Variants in TMEM156 observed in about 807,000 individuals in gnomAD.
TMEM156 encodes transmembrane protein 156.
In TMEM156, 28 loss-of-function variants were observed where a neutral mutation model predicts 30.5. The observed-to-expected ratio is 0.92, with a 90% CI of 0.68 to 1.26. The LOEUF (loss-of-function observed/expected upper bound fraction) is 1.26. Ranked by LOEUF, TMEM156 falls within the 50% of genes most tolerant of loss-of-function variation. The pLI, the probability that TMEM156 is intolerant of heterozygous loss-of-function variation, is 0.00. For missense variants in TMEM156, 351 were observed against 340.6 expected, an observed-to-expected ratio of 1.03 and a Z score of -0.24; for synonymous variants, 137 against 119.9, an observed-to-expected ratio of 1.14 and a Z score of -0.93.
intron 6 of TMEM156, among the ~76,000 whole-genome samples, chr4:38,968,246 T>G (rs775019160): frequency 5.3e-5 from 8 of 152,342 alleles, no homozygotes; most frequent in Non-Finnish European, 1.2e-4. Flanking sequence ...TCATGCCAGT[T>G]TCTTTCAATT....
intron 1 of TMEM156, among the ~76,000 whole-genome samples, chr4:39,005,076 A>G (rs1199171978): frequency 1.3e-5 from 2 of 152,216 alleles, no homozygotes; most frequent in Non-Finnish European, 2.9e-5. Flanking sequence ...TACAAGCAAC[A>G]GCGTGGATGA....
intron 1 of TMEM156, among the ~76,000 whole-genome samples, chr4:39,012,376 G>A (rs1233560775): frequency 6.6e-6 from 1 of 151,968 alleles, no homozygotes; most frequent in African/African-American, 2.4e-5. Context: ...TAGCACTAAG[G>A]ATACTGATGT....
intron 1 of TMEM156, among the ~76,000 whole-genome samples, chr4:39,027,000 T>A (rs1715238586): frequency 6.6e-6 from 1 of 152,198 alleles, no homozygotes. Flanking sequence ...TCCATCTAGT[T>A]TTATTCCTTC....
chr4:38,984,323 CTTTCTCTCTG>C, intron 5 of TMEM156, among the ~76,000 whole-genome samples: 1 of 128,568 alleles, frequency 7.8e-6, no homozygotes, highest in Non-Finnish European at 1.5e-5. Flanking sequence ...CTCTCTCTCT[CTTTCTCTCTG>C]TCTCTCTCTC....
intron 1 of TMEM156, among the ~76,000 whole-genome samples, chr4:39,003,908 T>C (rs1713551104): frequency 6.6e-6 from 1 of 152,168 alleles, no homozygotes; most frequent in Non-Finnish European, 1.5e-5. Context: ...TCTTATTCAA[T>C]AAGTGACCAA....
rs528658843 is a variant in TMEM156, at chr4:39,017,206, G to GAGA, written c.88+15019_88+15020insTCT. 9.5e-3 allele frequency among the ~76,000 whole-genome samples: 1,105 copies of GAGA among 116,834 alleles called. 26 individuals carry two copies. Among genetic ancestry groups the GAGA allele is most frequent in the African/African-American group, 0.035 (1,008 of 28,962 alleles). 76.6% of individuals were successfully genotyped at this position (116,834 alleles called of 152,430 possible). A position where few individuals can be genotyped will look rare whatever the true frequency, so the allele number is the denominator to read the frequency against. ...TTTTTTTTTTTTGAGACAGAGTCTC[G>GAGA]CTCTGTCTCCCAGGCTGGAGTTCAG... is the stretch of plus-strand genomic sequence containing the variant. On this transcript the variant is annotated intron_variant, in intron 1 of 6. Coordinates refer to ENST00000381938, the MANE Select transcript of TMEM156 (RefSeq NM_024943.3).
In TMEM156 at chr4:39,021,083, T is replaced by C. The variant is rs372214352; in HGVS notation, c.88+11143A>G. Among the ~76,000 whole-genome samples the C allele has an allele frequency of 2.1e-3, 313 of 152,344 alleles. 1 individual carries two copies. The highest frequency in any genetic ancestry group is 7.3e-3 in the African/African-American group (302 of 41,580). On this transcript the variant is annotated intron_variant, in intron 1 of 6. Transcript: ENST00000381938. ...GCGATGTTGAGAATTTTTTCATATA[T>C]GTATTGGCCATTTGTATGTCTTCTT...
At chr4:39,009,696 A>G (rs1114908) in intron 1 of TMEM156, among the ~76,000 whole-genome samples, 23,527 of 152,116 alleles carry the variant, frequency 0.15, 4,047 homozygotes, top group African/African-American at 0.43. Context: ...AAAATCCAAC[A>G]TTTTTTCATG....
intron 1 of TMEM156, among the ~76,000 whole-genome samples, chr4:39,017,260 C>T (rs571260290): frequency 1.3e-5 from 2 of 149,114 alleles, no homozygotes; most frequent in African/African-American, 2.5e-5. Flanking sequence ...CTTCAAGCTC[C>T]GCCTCCCAGG....
chr4:39,014,262 T>C (rs1714332284), intron 1 of TMEM156, among the ~76,000 whole-genome samples: 2 of 152,230 alleles, frequency 1.3e-5, no homozygotes, highest in Non-Finnish European at 2.9e-5. Context: ...CCATATCATG[T>C]CATGAAGAAT....
intron 3 of TMEM156, among the ~76,000 whole-genome samples, chr4:38,991,897 T>C (rs552595497): frequency 6.6e-6 from 1 of 152,116 alleles, no homozygotes; most frequent in Non-Finnish European, 1.5e-5. Flanking sequence ...CACTCCTCAA[T>C]CAGAGGGAAC....
rs115251898 is a variant in TMEM156 at position 38,989,507 on chromosome 4, G to A, written c.620-537C>T. On this transcript the variant is annotated intron_variant, in intron 3 of 6. Coordinates refer to ENST00000381938, the MANE Select transcript of TMEM156 (RefSeq NM_024943.3). ...CAGGGTAATAGGCGGTAAGTACAGT[G>A]CTTTGCACGCCAATGATCAGATCAA... 9.8e-3 allele frequency among the ~76,000 whole-genome samples: 1,499 copies of A among 152,336 alleles called. 25 individuals carry two copies. The highest frequency in any genetic ancestry group is 0.034 in the African/African-American group (1,413 of 41,570).
intron 1 of TMEM156, among the ~76,000 whole-genome samples, chr4:39,001,087 C>G (rs1001214864): frequency 2.0e-5 from 3 of 151,644 alleles, no homozygotes; most frequent in Non-Finnish European, 4.4e-5. Context: ...AATTCCCAGT[C>G]TGATAGTCTT....
At position 38,995,011 on chromosome 4, in the gene TMEM156, C is replaced by T. The variant is rs762130148; in HGVS notation, c.359-1013G>A. On this transcript the variant is annotated intron_variant, in intron 2 of 6. Coordinates refer to ENST00000381938, the MANE Select transcript of TMEM156 (RefSeq NM_024943.3). ...GAAGTGTGAGATCAAGGTGTTGGCA[C>T]GGTTGATTTGTTCTGAGGGCTGAGC... is the stretch of plus-strand genomic sequence containing the variant. Among the ~76,000 whole-genome samples the T allele has an allele frequency of 7.7e-4, 117 of 152,136 alleles. 1 individual carries two copies. Among genetic ancestry groups the T allele is most frequent in the Middle Eastern group, 3.4e-3 (1 of 294 alleles).
chr4:38,995,446 G>A (rs1712856704), intron 2 of TMEM156, among the ~76,000 whole-genome samples: 1 of 152,224 alleles, frequency 6.6e-6, no homozygotes, highest in Non-Finnish European at 1.5e-5. Flanking sequence ...GCTGGGCTCA[G>A]TGGCTCACGC....
chr4:38,984,307 A>ATC (rs1219966009), intron 5 of TMEM156, among the ~76,000 whole-genome samples: 9 of 142,194 alleles, frequency 6.3e-5, no homozygotes, highest in South Asian at 4.6e-4. Context: ...GAGCCCATTT[A>ATC]TCTCTCTCTC....
rs757925302 is a variant in TMEM156, at chr4:38,993,936, A to G, written c.421T>C (p.Phe141Leu). 3.7e-5 allele frequency: 59 copies of G among 1,614,012 alleles called. 2 individuals carry two copies. The South Asian group carries it at 6.1e-4, about 17-fold the overall frequency. The change falls in exon 3 of 7, where the codon TTT (phenylalanine) becomes CTT (leucine). Residue 141 changes from phenylalanine to leucine, a missense_variant. Physicochemically the swap from Phe to Leu is conservative, Grantham distance 22. Transcript: ENST00000381938. The part of the protein sequence containing the change: ...ANDFHSPCQH[F>L]NFSVAPLVDH... ...ACCAGAGGAGCTACACTGAAGTTAA[A>G]GTGCTGACAAGGTGAATGAAAATCA...
At chr4:38,993,221 G>A (rs543041737) in intron 3 of TMEM156, among the ~76,000 whole-genome samples, 1 of 152,138 alleles carries the variant, frequency 6.6e-6, no homozygotes, top group Non-Finnish European at 1.5e-5. Context: ...CTTAAGCCTA[G>A]GAGTTCAAGA....
At chr4:38,991,616 C>G (rs1712470911) in intron 3 of TMEM156, among the ~76,000 whole-genome samples, 1 of 152,048 alleles carries the variant, frequency 6.6e-6, no homozygotes, top group African/African-American at 2.4e-5. Flanking sequence ...TGTGGACACC[C>G]AAAAGCTGTT....
Sources: allele counts gnomAD v4.1 joint callset (sites outside exome capture counted in the v4.1 genomes callset), GRCh38; gene constraint gnomAD v4.1.1; transcripts MANE v1.5; gene names NCBI Gene and HGNC (gene_info 2026-07-23, HGNC 2026-07-21).